Variants in PRKAR1A observed in about 807,000 individuals in gnomAD.
PRKAR1A encodes the protein cAMP-dependent protein kinase type I-alpha regulatory subunit.
A neutral mutation model predicts 52.0 loss-of-function variants in PRKAR1A; 3 were observed. The observed-to-expected ratio is 0.06, with a 90% CI of 0.03 to 0.15. PRKAR1A has a LOEUF of 0.15. Ranked by LOEUF, PRKAR1A falls within the 10% of genes least tolerant of loss-of-function variation. The probability of loss-of-function intolerance (pLI) is 1.00; values close to 1 mark genes in which losing one functional copy is unlikely to be tolerated. For missense variants in PRKAR1A, 240 were observed against 477.4 expected, an observed-to-expected ratio of 0.50 and a Z score of 4.63; for synonymous variants, 188 against 168.4, an observed-to-expected ratio of 1.12 and a Z score of -0.90.
the PRKAR1A span, among the ~76,000 whole-genome samples, chr17:68,467,990 G>C: frequency 6.6e-6 from 1 of 151,970 alleles, no homozygotes; most frequent in Admixed American, 6.6e-5. Flanking sequence ...GACTTCCCAG[G>C]CTCAACTGAC....
the PRKAR1A span, among the ~76,000 whole-genome samples, chr17:68,469,753 T>C: frequency 6.6e-6 from 1 of 152,192 alleles, no homozygotes; most frequent in Non-Finnish European, 1.5e-5. Flanking sequence ...AGCTTTTGTT[T>C]GTATGGATTA....
the PRKAR1A span, among the ~76,000 whole-genome samples, chr17:68,489,266 GTATATATA>G: frequency 4.3e-3 from 40 of 9,312 alleles, 3 homozygotes; most frequent in African/African-American, 0.018. Flanking sequence ...TATATGGAAA[GTATATATA>G]TATATATATA....
intron 2 of PRKAR1A, among the ~76,000 whole-genome samples, chr17:68,516,708 A>G (rs1470546633): frequency 6.7e-6 from 1 of 149,888 alleles, no homozygotes; most frequent in Non-Finnish European, 1.5e-5. Flanking sequence ...ATTTGTATTT[A>G]GTACCATGAT....
chr17:68,447,367 CT>C, the PRKAR1A span, among the ~76,000 whole-genome samples: 1 of 150,756 alleles, frequency 6.6e-6, no homozygotes, highest in Non-Finnish European at 1.5e-5. Flanking sequence ...AAGTGTTCTT[CT>C]TTTTTAAATT....
rs757429124 is a variant in PRKAR1A, at chr17:68,529,985, G to T, written c.957G>T (p.Gly319=). 6.2e-7 allele frequency: 1 copy of T among 1,613,944 alleles called. No homozygotes were observed. Among genetic ancestry groups the T allele is most frequent in the Non-Finnish European group, 8.5e-7 (1 of 1,179,900 alleles). Residue 319 remains glycine, a synonymous_variant, in exon 10 of 11, where the codon GGG becomes GGT. Coordinates refer to ENST00000589228, the MANE Select transcript of PRKAR1A (RefSeq NM_002734.5). The part of the protein sequence containing the change: ...NEEFVEVGRL[G]PSDYFGEIAL... ...AGTTTGTTGAAGTGGGAAGATTGGGGCCTTCTGATTATTTTGGTATGTATG... is the reference window on the plus strand; with the variant it reads ...AGTTTGTTGAAGTGGGAAGATTGGGTCCTTCTGATTATTTTGGTATGTATG...
the PRKAR1A span, among the ~76,000 whole-genome samples, chr17:68,436,993 CAAAAAAAA>C: frequency 0.61 from 75,333 of 124,318 alleles, 19,942 homozygotes; most frequent in African/African-American, 0.68. Context: ...GACCCCGTCT[CAAAAAAAA>C]AAAAATATAT....
chr17:68,523,719 T>C lies in PRKAR1A; in HGVS notation c.349-6T>C. Reference sequence around the variant, plus strand: ...AATTGTCATTTGACCTTCAGTTCTTTTCTAGGTTATACCAAAAGATTACAA... The same window carrying C: ...AATTGTCATTTGACCTTCAGTTCTTCTCTAGGTTATACCAAAAGATTACAA... On this transcript the variant is annotated splice_polypyrimidine_tract_variant and splice_region_variant and intron_variant, in intron 3 of 10. Transcript: ENST00000589228. 1.9e-6 allele frequency: 3 copies of C among 1,610,986 alleles called. No homozygotes were observed. Among genetic ancestry groups the C allele is most frequent in the Non-Finnish European group, 2.5e-6 (3 of 1,177,912 alleles).
chr17:68,525,256 A>G (rs2085751735), intron 6 of PRKAR1A, among the ~76,000 whole-genome samples: 1 of 151,706 alleles, frequency 6.6e-6, no homozygotes, highest in Non-Finnish European at 1.5e-5. Flanking sequence ...CAGGAGTTCA[A>G]GACCAGCCTG....
chr17:68,424,547 T>C, the PRKAR1A span: 1 of 530,034 alleles, frequency 1.9e-6, no homozygotes, highest in African/African-American at 1.9e-5. Flanking sequence ...AGCTCCTCTC[T>C]GGCTCTAGGA....
At chr17:68,421,261 AT>A in the PRKAR1A span, 58,588 of 156,056 alleles carry the variant, frequency 0.38, 12,519 homozygotes, top group Admixed American at 0.52. Flanking sequence ...AAACAAAAAA[AT>A]ATATAAAAAC....
downstream of PRKAR1A, among the ~76,000 whole-genome samples, chr17:68,534,059 G>A (rs375544882): frequency 3.9e-5 from 6 of 152,128 alleles, no homozygotes; most frequent in African/African-American, 1.4e-4. Flanking sequence ...ATCAGTAAAC[G>A]CTGTAGCTAT....
chr17:68,532,969 T>G lies in PRKAR1A; in HGVS notation c.*2520T>G. 1 of 1,065,954 alleles carries G rather than the reference T, an allele frequency of 9.4e-7. No individual in the cohort carries two copies. Among genetic ancestry groups the G allele is most frequent in the Non-Finnish European group, 1.1e-6 (1 of 879,720 alleles). 66.0% of individuals were successfully genotyped at this position (1,065,954 alleles called of 1,614,324 possible). ...AATCTTGCTTAAAGGGTAATTGAGA[T>G]GTAGCAGATTTATTTACTTAGTCAT... On this transcript the variant is annotated 3_prime_UTR_variant, in exon 11 of 11. Coordinates refer to ENST00000589228, the MANE Select transcript of PRKAR1A (RefSeq NM_002734.5).
chr17:68,475,368 C>T, the PRKAR1A span, among the ~76,000 whole-genome samples: 1 of 152,196 alleles, frequency 6.6e-6, no homozygotes, highest in Non-Finnish European at 1.5e-5. Flanking sequence ...TAATACTGAA[C>T]AAAGAAAGCA....
chr17:68,504,652 G>A, the PRKAR1A span, among the ~76,000 whole-genome samples: 1 of 152,188 alleles, frequency 6.6e-6, no homozygotes, highest in Non-Finnish European at 1.5e-5. Context: ...CTGGACTGAT[G>A]GAGATAGAGA....
At chr17:68,421,579 C>T in the PRKAR1A span, 10,003 of 662,750 alleles carry the variant, frequency 0.015, 82 homozygotes, top group Non-Finnish European at 0.02. Flanking sequence ...CAATGTCTCC[C>T]GCGCCCATTG....
At chr17:68,454,121 C>G in the PRKAR1A span, among the ~76,000 whole-genome samples, 2 of 152,194 alleles carry the variant, frequency 1.3e-5, no homozygotes, top group Non-Finnish European at 1.5e-5. Context: ...AAAGACAGGA[C>G]GTGAATCCAG....
chr17:68,493,438 G>A, the PRKAR1A span, among the ~76,000 whole-genome samples: 5 of 149,170 alleles, frequency 3.4e-5, no homozygotes, highest in African/African-American at 1.2e-4. Context: ...TAAATAGGGA[G>A]AAGCTCATGG....
At chr17:68,494,522 T>C in the PRKAR1A span, among the ~76,000 whole-genome samples, 47 of 152,078 alleles carry the variant, frequency 3.1e-4, no homozygotes, top group African/African-American at 9.6e-4. Context: ...GCCTGGGAGA[T>C]AGAGGGAGAC....
chr17:68,424,061 C>T, the PRKAR1A span, among the ~76,000 whole-genome samples: 3 of 152,252 alleles, frequency 2.0e-5, no homozygotes, highest in South Asian at 2.1e-4. Flanking sequence ...AAATAACCAC[C>T]GCCTCTTGAG....
Sources: allele counts gnomAD v4.1 joint callset (sites outside exome capture counted in the v4.1 genomes callset), GRCh38; gene constraint gnomAD v4.1.1; transcripts MANE v1.5; gene names NCBI Gene and HGNC (gene_info 2026-07-23, HGNC 2026-07-21).